Variants in SNW1 observed in about 807,000 individuals in gnomAD.
The protein encoded by SNW1 is SNW domain containing 1.
In SNW1, 9 loss-of-function variants were observed where a neutral mutation model predicts 75.6. The observed-to-expected ratio is 0.12, with a 90% CI of 0.07 to 0.21. SNW1 has a LOEUF of 0.21. SNW1 is among the 10% of genes least tolerant of loss of function. The pLI is 1.00. For missense variants in SNW1, 409 were observed against 670.9 expected, an observed-to-expected ratio of 0.61 and a Z score of 4.31; for synonymous variants, 200 against 219.1, an observed-to-expected ratio of 0.91 and a Z score of 0.77.
At chr14:77,719,560 G>A (rs2080521100) in intron 12 of SNW1, among the ~76,000 whole-genome samples, 1 of 152,162 alleles carries the variant, frequency 6.6e-6, no homozygotes, top group Non-Finnish European at 1.5e-5. Flanking sequence ...AGAATCCCTT[G>A]AACCTGGGAG....
chr14:77,748,350 A>G (rs1228665260), intron 3 of SNW1, among the ~76,000 whole-genome samples: 2 of 152,070 alleles, frequency 1.3e-5, no homozygotes, highest in East Asian at 3.9e-4. Context: ...TCCCTCCACT[A>G]TTGTCCTATG....
intron 7 of SNW1, among the ~76,000 whole-genome samples, chr14:77,735,308 G>A (rs975739987): frequency 3.3e-5 from 5 of 152,040 alleles, no homozygotes; most frequent in Non-Finnish European, 5.9e-5. Flanking sequence ...TTATTGAGAC[G>A]GGGTTTCGCT....
At chr14:77,734,842 G>C in intron 8 of SNW1, 105 bp downstream of exon 8, 2 of 753,988 alleles carry the variant, frequency 2.7e-6, no homozygotes, top group Non-Finnish European at 4.4e-6. Context: ...AAAATGCTCA[G>C]TTAAACCACG....
chr14:77,754,655 C>G (rs922414177), intron 2 of SNW1, among the ~76,000 whole-genome samples: 5 of 152,044 alleles, frequency 3.3e-5, no homozygotes, highest in African/African-American at 1.2e-4. Flanking sequence ...TCTCTCTTAT[C>G]TTTTACTTTC....
intron 12 of SNW1, among the ~76,000 whole-genome samples, chr14:77,719,464 C>T (rs1454517978): frequency 1.3e-5 from 2 of 152,076 alleles, no homozygotes; most frequent in Non-Finnish European, 1.5e-5. Context: ...TGATGAAACC[C>T]TGTCTCTACT....
intron 1 of SNW1, 111 bp downstream of exon 1, chr14:77,761,003 C>G (rs763156223): frequency 3.7e-6 from 6 of 1,612,814 alleles, no homozygotes; most frequent in South Asian, 2.2e-5. Context: ...TCTTGGCCCA[C>G]GTCATTCTGT....
rs987774669 is a variant in SNW1 at position 77,731,103 on chromosome 14, G to C, written c.918C>G (p.Ala306=). The C allele has an allele frequency of 1.2e-6, 2 of 1,613,538 alleles. No homozygotes were observed. The highest frequency in any genetic ancestry group is 1.7e-6 in the Non-Finnish European group (2 of 1,179,932). ...RKAREAVEMR[A]QVERKMAQKE... ...TCTGAGCCATTTTTCTCTCTACTTGGGCACGCATTTCCACAGCTTCACGAG... is the reference window on the plus strand; with the variant it reads ...TCTGAGCCATTTTTCTCTCTACTTGCGCACGCATTTCCACAGCTTCACGAG... Residue 306 remains alanine (A), a synonymous_variant, in exon 10 of 14, where the codon GCC becomes GCG. Transcript: ENST00000261531.
intron 3 of SNW1, among the ~76,000 whole-genome samples, chr14:77,744,814 A>AT (rs2080747906): frequency 6.6e-6 from 1 of 152,184 alleles, no homozygotes; most frequent in East Asian, 1.9e-4. Context: ...AAGAAGAGTG[A>AT]TTACCCCCAA....
At chr14:77,736,947 A>G (rs780845215) in intron 6 of SNW1, 24 bp downstream of exon 6, 3 of 1,483,302 alleles carry the variant, frequency 2.0e-6, no homozygotes, top group South Asian at 2.3e-5. Context: ...TGTGTGTATT[A>G]GTAGCCTATT....
chr14:77,720,566 C>T (rs760874496), intron 12 of SNW1, 145 bp downstream of exon 12: 1 of 777,910 alleles, frequency 1.3e-6, no homozygotes, highest in South Asian at 1.3e-5. Flanking sequence ...ACTGTTTCAT[C>T]TTGTCTCAAG....
At chr14:77,739,692 A>G (rs74340058) in intron 3 of SNW1, among the ~76,000 whole-genome samples, 280 of 152,248 alleles carry the variant, frequency 1.8e-3, no homozygotes, top group African/African-American at 6.6e-3. Context: ...GGCCTGTTAT[A>G]TGACTTCTAC....
chr14:77,760,918 C>A, intron 1 of SNW1, 196 bp downstream of exon 1: 1 of 1,292,576 alleles, frequency 7.7e-7, no homozygotes, highest in South Asian at 1.2e-5. Flanking sequence ...GAACTAAACC[C>A]GGGAAACCGC....
rs2080888410 is a variant in SNW1 at position 77,761,122 on chromosome 14, C to A, written c.6G>T (p.Ala2=). The change falls in exon 1 of 14, where the codon GCG becomes GCT. Residue 2 remains alanine, a synonymous_variant. Coordinates refer to ENST00000261531, the MANE Select transcript of SNW1 (RefSeq NM_012245.3). Reference sequence around the variant, plus strand: ...CCCAATCAACAACCCACCTGGTGAGCGCCATCTTCTTCCGCTTCTTCCAGC... The same window carrying A: ...CCCAATCAACAACCCACCTGGTGAGAGCCATCTTCTTCCGCTTCTTCCAGC... M[A]LTSFLPAPTQ... is the part of the protein sequence containing the mutation. 1 of 1,614,134 alleles carries A rather than the reference C, an allele frequency of 6.2e-7. No individual in the cohort carries two copies. The highest frequency in any genetic ancestry group is 1.3e-5 in the African/African-American group (1 of 74,948).
In SNW1 at chr14:77,750,200, C is replaced by CA. The variant is rs1170559482; in HGVS notation, c.330+1118dup. 2.0e-5 allele frequency among the ~76,000 whole-genome samples: 3 copies of CA among 151,210 alleles called. No individual in the cohort carries two copies. The South Asian group carries it at 6.3e-4, about 32-fold the overall frequency. ...TGGGCAACAGAACAAGACCCTGTCTCAAAAAAACAAATAAAAAATAAAATA... is the reference window on the plus strand; with the variant it reads ...TGGGCAACAGAACAAGACCCTGTCTCAAAAAAAACAAATAAAAAATAAAATA... On this transcript the variant is annotated intron_variant, in intron 3 of 13. Transcript: ENST00000261531.
At chr14:77,730,844 T>A (rs2080622052) in intron 10 of SNW1, 144 bp downstream of exon 10, 1 of 813,936 alleles carries the variant, frequency 1.2e-6, no homozygotes, top group South Asian at 1.9e-5. Flanking sequence ...AGGCAGAGAT[T>A]ACTCTCCATT....
chr14:77,727,936 A>G (rs1037438950), intron 10 of SNW1, among the ~76,000 whole-genome samples: 1 of 152,010 alleles, frequency 6.6e-6, no homozygotes, highest in East Asian at 1.9e-4. Flanking sequence ...CTTCTCTTCA[A>G]TTTTTTGGAA....
intron 7 of SNW1, 57 bp from the exon 8 acceptor site, chr14:77,735,069 T>C: frequency 7.8e-7 from 1 of 1,278,792 alleles, no homozygotes; most frequent in Non-Finnish European, 1.1e-6. Context: ...AAAGTAAATC[T>C]AAGTATAATC....
At chr14:77,737,143 T>C in intron 5 of SNW1, 68 bp from the exon 6 acceptor site, 2 of 1,131,220 alleles carry the variant, frequency 1.8e-6, no homozygotes, top group Non-Finnish European at 2.7e-6. Flanking sequence ...TTCCTTCTAT[T>C]ACAATCTTAA....
In SNW1 at chr14:77,718,225, C is replaced by G; in HGVS notation, c.1474G>C (p.Val492Leu). The G allele has an allele frequency of 6.2e-7, 1 of 1,613,750 alleles. No individual in the cohort carries two copies. The highest frequency in any genetic ancestry group is 1.1e-5 in the South Asian group (1 of 91,052). ...DRRQRGREGP[V>L]QFEEDPFGLD... Reference sequence around the variant, plus strand: ...CCAAAAGGATCTTCCTCAAACTGCACTGGTCCTTCTCGGCCTCTCTGTCTA... The same window carrying G: ...CCAAAAGGATCTTCCTCAAACTGCAGTGGTCCTTCTCGGCCTCTCTGTCTA... Residue 492 changes from valine to leucine, a missense_variant, in exon 14 of 14, where the codon GTG (valine) becomes CTG (leucine). This residue lies in a region of SNW1 where 126 missense variants were observed against 167.6 expected (regional missense o/e 0.75). Transcript: ENST00000261531.
Sources: allele counts gnomAD v4.1 joint callset (sites outside exome capture counted in the v4.1 genomes callset), GRCh38; gene constraint gnomAD v4.1.1; regional missense constraint gnomAD v4.1.1; transcripts MANE v1.5; gene names NCBI Gene and HGNC (gene_info 2026-07-23, HGNC 2026-07-21).